Variants in ATAD2 observed in about 807,000 individuals in gnomAD.
ATAD2 encodes ATPase family AAA domain containing 2.
ATAD2 carries 62 observed loss-of-function variants against 168.9 expected under a neutral mutation model. That is an observed-to-expected ratio of 0.37 (90% CI 0.30 to 0.45). The LOEUF is 0.45. Among genes scored for constraint, ATAD2 ranks in the 20% least tolerant of loss-of-function variants. ATAD2 has a pLI of 1.00. For synonymous variants in ATAD2, 613 were observed against 571.6 expected (o/e 1.07, Z -1.03); for missense variants, 1,419 against 1,667.8 (o/e 0.85, Z 2.60).
At chr8:123,361,725 C>T in intron 8 of ATAD2, 79 bp from the exon 9 acceptor site, 1 of 1,113,848 alleles carries the variant, frequency 9.0e-7, no homozygotes, top group Non-Finnish European at 1.3e-6. Context: ...ATCAGAAATA[C>T]CTAATGCTCC....
At chr8:123,353,961 T>C (rs1259611770) in intron 13 of ATAD2, among the ~76,000 whole-genome samples, 7 of 151,844 alleles carry the variant, frequency 4.6e-5, no homozygotes, top group Admixed American at 3.9e-4. Flanking sequence ...GGTGAAACCC[T>C]GTCTCTACTA....
Position 123,347,376 on chromosome 8 carries a change from C to A in ATAD2, c.1928G>T (p.Cys643Phe). The A allele has an allele frequency of 1.2e-6, 2 of 1,613,148 alleles. No homozygotes were observed. The highest frequency in any genetic ancestry group is 1.7e-6 in the Non-Finnish European group (2 of 1,179,698). The change falls in exon 16 of 28, where the codon TGT becomes TTT. Residue 643 changes from cysteine (C) to phenylalanine (F), a missense_variant. Physicochemically the swap from Cys to Phe is radical, Grantham distance 205 (BLOSUM62 -2). Transcript: ENST00000287394. The stretch of plus-strand genomic sequence containing the variant: ...TAAAGCACATAAAGCAGCTTCAGCA[C>A]ATATTGATTTAATATCTGCTCCACA... ...GYCGADIKSI[C>F]AEAALCALRR...
Position 123,396,399 on chromosome 8 carries a change from AT to A in ATAD2, c.-43del. 2.7e-6 allele frequency: 4 copies of A among 1,508,082 alleles called. No individual in the cohort carries two copies. Among genetic ancestry groups the A allele is most frequent in the Non-Finnish European group, 3.5e-6 (4 of 1,131,004 alleles). 93.4% of individuals were successfully genotyped at this position (1,508,082 alleles called of 1,614,324 possible). A position where few individuals can be genotyped will look rare whatever the true frequency, so the allele number is the denominator to read the frequency against. On this transcript the variant is annotated 5_prime_UTR_variant, in exon 1 of 28. Transcript: ENST00000287394. Reference sequence around the variant, plus strand: ...CCTCGGCGTGCGCGACCGGAGAGAGATCCAGCTCCAGGCGCTCGCAGCTCTG... The same window carrying A: ...CCTCGGCGTGCGCGACCGGAGAGAGACCAGCTCCAGGCGCTCGCAGCTCTG...
At chr8:123,354,581 T>G (rs1828571762) in intron 13 of ATAD2, among the ~76,000 whole-genome samples, 1 of 151,036 alleles carries the variant, frequency 6.6e-6, no homozygotes, top group Non-Finnish European at 1.5e-5. Flanking sequence ...GTGGCTCACA[T>G]CTGTAATCCC....
At chr8:123,326,162 C>G in intron 25 of ATAD2, 136 bp from the exon 26 acceptor site, 5 of 905,588 alleles carry the variant, frequency 5.5e-6, no homozygotes, top group Non-Finnish European at 8.2e-6. Flanking sequence ...TTAACTCATT[C>G]TGTTATAAGA....
intron 2 of ATAD2, among the ~76,000 whole-genome samples, chr8:123,377,676 A>G (rs1829362428): frequency 6.6e-6 from 1 of 152,228 alleles, no homozygotes; most frequent in South Asian, 2.1e-4. Context: ...GTTGTGTACC[A>G]TAATTGCTAT....
intron 1 of ATAD2, among the ~76,000 whole-genome samples, chr8:123,411,154 A>T (rs544183412): frequency 1.3e-5 from 2 of 152,016 alleles, no homozygotes; most frequent in African/African-American, 4.8e-5. Context: ...CATTTTGGAG[A>T]CCCTGAAGGG....
chr8:123,372,102 G>A (rs1182488046), intron 3 of ATAD2, among the ~76,000 whole-genome samples: 1 of 152,118 alleles, frequency 6.6e-6, no homozygotes, highest in Admixed American at 6.5e-5. Context: ...CTTTGTGATA[G>A]CCCCAAACCA....
rs773943905 is a variant in ATAD2 at position 123,344,906 on chromosome 8, G to C, written c.2696C>G (p.Pro899Arg). The C allele has an allele frequency of 1.9e-6, 3 of 1,614,056 alleles. No individual in the cohort carries two copies. The stretch of plus-strand genomic sequence containing the variant: ...TACCTCTTCTGGCAAAGCGGAATGG[G>C]GTTTGTCAGAAGTTGCAAGTAGTAA... ...PVLLLATSDK[P>R]HSALPEEVQE... The change falls in exon 19 of 28, where the codon CCC (proline) becomes CGC (arginine). Residue 899 changes from proline (P) to arginine (R), a missense_variant. Around this residue, in one of 5 missense-constraint regions of ATAD2, gnomAD observed 545 missense variants for 724.9 expected, o/e 0.75. Coordinates refer to ENST00000287394, the MANE Select transcript of ATAD2 (RefSeq NM_014109.4).
rs147696973 is a variant in ATAD2, at chr8:123,371,672, A to C, written c.534T>G (p.Thr178=). 3,541 of 1,592,350 alleles carry C rather than the reference A, an allele frequency of 2.2e-3. 62 individuals are homozygous for C. In the South Asian group the frequency reaches 0.027, roughly 12 times the overall value. Residue 178 remains threonine (T), a splice_region_variant and synonymous_variant, in exon 4 of 28, where the codon ACT becomes ACG. Coordinates refer to ENST00000287394, the MANE Select transcript of ATAD2 (RefSeq NM_014109.4). ...TGATCTAAGGAATTTTTACTTACTT[A>C]GTTATAAGTTTGTCAAACAGCATGG... ...NQSMLFDKLI[T]NTAEAVLQKM...
chr8:123,359,442 T>A lies in ATAD2; in HGVS notation c.1267-106A>T, dbSNP rs528552738. On this transcript the variant is annotated intron_variant, in intron 10 of 27. Transcript: ENST00000287394. ...AAGTAATAATATCTTAATTGTGACC[T>A]GAAGATTAACAGAAAACGTCTGTAA... is the stretch of plus-strand genomic sequence containing the variant. 1.3e-4 allele frequency: 160 copies of A among 1,227,514 alleles called. 2 individuals carry two copies. In the South Asian group the frequency reaches 1.7e-3, roughly 13 times the overall value. 76.0% of individuals were successfully genotyped at this position (1,227,514 alleles called of 1,614,324 possible). A position where few individuals can be genotyped will look rare whatever the true frequency, so the allele number is the denominator to read the frequency against.
chr8:123,344,950 A>C lies in ATAD2; in HGVS notation c.2652T>G (p.Ile884Met), dbSNP rs199892658. ...GTAGTAAAACTGGAGCAAATGAAGG[A>C]ATATTCTGTAATAATGTGGTAAATG... is the stretch of plus-strand genomic sequence containing the variant. ...KATFTTLLQN[I>M]PSFAPVLLLA... is the part of the protein sequence containing the mutation. The change falls in exon 19 of 28, where the codon ATT becomes ATG. Residue 884 changes from isoleucine (I) to methionine (M), a missense_variant. By Grantham distance (10) the Ile-to-Met change is conservative (BLOSUM62 1). Transcript: ENST00000287394. 3.7e-6 allele frequency: 6 copies of C among 1,614,136 alleles called. No individual in the cohort carries two copies. In the East Asian group the frequency reaches 1.3e-4, roughly 36 times the overall value.
chr8:123,352,414 G>A (rs139473548), intron 13 of ATAD2: 1 of 154,340 alleles, frequency 6.5e-6, no homozygotes, highest in Non-Finnish European at 1.4e-5. Flanking sequence ...GGGTATTATG[G>A]AAGAGTAGCT....
chr8:123,372,173 A>C (rs1167668498), intron 3 of ATAD2, among the ~76,000 whole-genome samples: 2 of 152,212 alleles, frequency 1.3e-5, no homozygotes, highest in Middle Eastern at 3.2e-3. Context: ...ATATAATGGA[A>C]TACTACTCAT....
intron 1 of ATAD2, among the ~76,000 whole-genome samples, chr8:123,408,739 A>T (rs1388408277): frequency 6.6e-6 from 1 of 151,078 alleles, no homozygotes; most frequent in African/African-American, 2.4e-5. Context: ...CTGGTCTCAA[A>T]CTCCTGACCT....
chr8:123,328,078 T>A, intron 25 of ATAD2, 112 bp downstream of exon 25: 4 of 829,754 alleles, frequency 4.8e-6, no homozygotes, highest in Non-Finnish European at 6.7e-6. Flanking sequence ...TTAACTAACA[T>A]CTGCTCTCTG....
At chr8:123,361,437 T>G in intron 9 of ATAD2, 102 bp downstream of exon 9, 2 of 871,274 alleles carry the variant, frequency 2.3e-6, no homozygotes, top group Non-Finnish European at 3.7e-6. Context: ...TGTGCAACTT[T>G]TTAATCAGCC....
chr8:123,345,876 C>A (rs1368769229), intron 18 of ATAD2, among the ~76,000 whole-genome samples: 1 of 152,120 alleles, frequency 6.6e-6, no homozygotes, highest in Non-Finnish European at 1.5e-5. Context: ...AGAGATCTAA[C>A]AACTTTACTA....
In ATAD2 at chr8:123,357,718, C is replaced by G; in HGVS notation, c.1401G>C (p.Gly467=). The G allele has an allele frequency of 2.5e-6, 4 of 1,606,444 alleles. No individual in the cohort carries two copies. Among genetic ancestry groups the G allele is most frequent in the Non-Finnish European group, 3.4e-6 (4 of 1,177,458 alleles). Residue 467 remains glycine, a synonymous_variant, in exon 12 of 28, where the codon GGG becomes GGC. Coordinates refer to ENST00000287394, the MANE Select transcript of ATAD2 (RefSeq NM_014109.4). The part of the protein sequence containing the change: ...IQPPRGCLFY[G]PPGTGKTLVA... ...CCAGAGTCTTTCCAGTTCCAGGTGG[C>G]CCATAAAACAAACAACCTCTGTAAA...
Sources: gnomAD v4.1 joint callset for allele counts (sites outside exome capture counted in the v4.1 genomes callset) on GRCh38, gnomAD v4.1.1 for gene constraint, gnomAD v4.1.1 regional missense constraint, MANE v1.5 for transcripts, NCBI Gene and HGNC (gene_info 2026-07-23, HGNC 2026-07-21) for gene names.